Variants in R3HCC1L observed in about 807,000 individuals in gnomAD.
R3HCC1L encodes coiled-coil domain-containing protein R3HCC1L.
A neutral mutation model predicts 59.9 loss-of-function variants in R3HCC1L; 51 were observed. The ratio of observed to expected loss-of-function variants is 0.85; its 90% CI spans 0.68 to 1.07. R3HCC1L has a LOEUF of 1.07. R3HCC1L is among the 50% of genes least tolerant of loss of function. The probability of loss-of-function intolerance (pLI) is 0.00; values close to 1 mark genes in which losing one functional copy is unlikely to be tolerated. For synonymous variants in R3HCC1L, 322 were observed against 315.2 expected, an observed-to-expected ratio of 1.02 and a Z score of -0.23; for missense variants, 965 against 933.0, an observed-to-expected ratio of 1.03 and a Z score of -0.45.
chr10:98,154,072 C>T (rs370303490), intron 1 of R3HCC1L, among the ~76,000 whole-genome samples: 27 of 150,506 alleles, frequency 1.8e-4, no homozygotes, highest in South Asian at 1.0e-3. Flanking sequence ...ATCCAGAGAA[C>T]GGTTTCACAT....
At chr10:98,220,372 T>A (rs1470941849) in intron 5 of R3HCC1L, among the ~76,000 whole-genome samples, 2 of 148,086 alleles carry the variant, frequency 1.4e-5, no homozygotes, top group African/African-American at 2.5e-5. Context: ...TTCTTTTTCT[T>A]TTTTTTTTCC....
intron 4 of R3HCC1L, among the ~76,000 whole-genome samples, chr10:98,177,442 C>T (rs565631716): frequency 4.4e-4 from 67 of 152,162 alleles, no homozygotes; most frequent in Admixed American, 2.9e-3. Context: ...GATGGACATT[C>T]GGGTTGGTTC....
chr10:98,151,908 C>G (rs980607401), intron 1 of R3HCC1L, among the ~76,000 whole-genome samples: 1 of 151,762 alleles, frequency 6.6e-6, no homozygotes, highest in African/African-American at 2.4e-5. Flanking sequence ...CCAGCTCGCT[C>G]TCTCTCTCTC....
chr10:98,141,215 CTT>C (rs1405237430), intron 1 of R3HCC1L, among the ~76,000 whole-genome samples: 2 of 152,174 alleles, frequency 1.3e-5, no homozygotes, highest in African/African-American at 4.8e-5. Flanking sequence ...AGATTGTAAA[CTT>C]TTAACTACAG....
rs1852943919 is a variant in R3HCC1L at position 98,208,181 on chromosome 10, A to G, written c.67A>G (p.Lys23Glu). The change falls in exon 5 of 10, where the codon AAA (lysine) becomes GAA (glutamate). Residue 23 changes from lysine to glutamate, a missense_variant. By Grantham distance (56) the Lys-to-Glu change is moderately conservative (BLOSUM62 1). Coordinates refer to ENST00000298999, the MANE Select transcript of R3HCC1L (RefSeq NM_001351015.2). ...GCCTGACATGGCACTTTATGTACCT[A>G]AAGCTCGTAGGGGTGCAGTACTCCT... ...RRPDMALYVP[K>E]ARRGAVLLKT... is the part of the protein sequence containing the mutation. 5 of 1,613,988 alleles carry G rather than the reference A, an allele frequency of 3.1e-6. No homozygotes were observed. Among genetic ancestry groups the G allele is most frequent in the Non-Finnish European group, 4.2e-6 (5 of 1,179,954 alleles).
intron 5 of R3HCC1L, among the ~76,000 whole-genome samples, chr10:98,227,442 A>T (rs1286838267): frequency 1.3e-5 from 2 of 152,048 alleles, no homozygotes; most frequent in Non-Finnish European, 2.9e-5. Context: ...TCCTCATTTG[A>T]TGGGAAAAGA....
At chr10:98,236,201 C>T (rs867123731) in intron 9 of R3HCC1L, 37 bp downstream of exon 9, 1 of 1,606,838 alleles carries the variant, frequency 6.2e-7, no homozygotes, top group Non-Finnish European at 8.5e-7. Context: ...CTAGGCCCTT[C>T]AGAACTCACT....
chr10:98,160,858 C>T (rs983656516), intron 2 of R3HCC1L, among the ~76,000 whole-genome samples: 1 of 152,124 alleles, frequency 6.6e-6, no homozygotes, highest in African/African-American at 2.4e-5. Flanking sequence ...TTTTTCCCCC[C>T]TCAGGATTGA....
chr10:98,146,601 A>G (rs556587596), intron 1 of R3HCC1L, among the ~76,000 whole-genome samples: 1 of 152,346 alleles, frequency 6.6e-6, no homozygotes, highest in Non-Finnish European at 1.5e-5. Context: ...ACTTAACACA[A>G]TGACCTCTAG....
chr10:98,166,283 C>T (rs774758956), intron 4 of R3HCC1L, among the ~76,000 whole-genome samples: 7 of 152,186 alleles, frequency 4.6e-5, no homozygotes, highest in Non-Finnish European at 7.3e-5. Context: ...GGGCCTGCTC[C>T]GGAACCAGGC....
At chr10:98,174,452 T>C in intron 4 of R3HCC1L, 1 of 631,486 alleles carries the variant, frequency 1.6e-6, no homozygotes, top group Non-Finnish European at 2.0e-6. Context: ...TTCCCAGGGA[T>C]AAAAGCAGCA....
chr10:98,242,828 C>G (rs1424321452), intron 9 of R3HCC1L, among the ~76,000 whole-genome samples: 1 of 152,220 alleles, frequency 6.6e-6, no homozygotes, highest in East Asian at 1.9e-4. Context: ...CAAGACCATG[C>G]TGCCTTCCTA....
chr10:98,210,841 T>C (rs1443349506), intron 5 of R3HCC1L, among the ~76,000 whole-genome samples: 1 of 152,216 alleles, frequency 6.6e-6, no homozygotes, highest in Non-Finnish European at 1.5e-5. Flanking sequence ...CCCTTTTGAA[T>C]ACTAAGTGAT....
chr10:98,135,029 T>C (rs1243950855), intron 1 of R3HCC1L, among the ~76,000 whole-genome samples: 1 of 152,192 alleles, frequency 6.6e-6, no homozygotes, highest in Non-Finnish European at 1.5e-5. Context: ...CAACAGGTAT[T>C]GAGCGGGGTC....
At chr10:98,184,293 G>A (rs879376620) in intron 4 of R3HCC1L, among the ~76,000 whole-genome samples, 2 of 152,056 alleles carry the variant, frequency 1.3e-5, no homozygotes, top group Non-Finnish European at 2.9e-5. Flanking sequence ...ACAGTCATGC[G>A]CCACATAACA....
Position 98,208,998 on chromosome 10 carries a change from G to A in R3HCC1L, c.884G>A (p.Ser295Asn). ...EVESVGGIANSTGFILDQKDT... is the reference protein window; with the variant it reads ...EVESVGGIANNTGFILDQKDT... ...GAGAGTGTAGGTGGTATAGCCAATAGTACAGGTTTCATCTTAGATCAAAAA... is the reference window on the plus strand; with the variant it reads ...GAGAGTGTAGGTGGTATAGCCAATAATACAGGTTTCATCTTAGATCAAAAA... The change falls in exon 5 of 10, where the codon AGT becomes AAT. Residue 295 changes from serine (S) to asparagine (N), a missense_variant. Transcript: ENST00000298999. The A allele has an allele frequency of 1.9e-6, 3 of 1,613,970 alleles. No homozygotes were observed. Among genetic ancestry groups the A allele is most frequent in the Non-Finnish European group, 2.5e-6 (3 of 1,179,900 alleles).
intron 1 of R3HCC1L, among the ~76,000 whole-genome samples, chr10:98,143,770 G>A (rs528498400): frequency 1.3e-5 from 2 of 152,176 alleles, no homozygotes; most frequent in South Asian, 2.1e-4. Context: ...GTATATGACC[G>A]TACATTATAA....
At chr10:98,138,989 G>T (rs941919773) in intron 1 of R3HCC1L, among the ~76,000 whole-genome samples, 29 of 152,120 alleles carry the variant, frequency 1.9e-4, no homozygotes, top group African/African-American at 6.3e-4. Context: ...TTTCTGAAAG[G>T]TATGGATTTT....
At chr10:98,216,677 A>G (rs773865374) in intron 5 of R3HCC1L, among the ~76,000 whole-genome samples, 43 of 151,984 alleles carry the variant, frequency 2.8e-4, no homozygotes, top group Admixed American at 1.5e-3. Flanking sequence ...GGCTCAAGCA[A>G]TTCTGCTGCC....
Sources: gnomAD v4.1 joint callset for allele counts (sites outside exome capture counted in the v4.1 genomes callset) on GRCh38, gnomAD v4.1.1 for gene constraint, MANE v1.5 for transcripts, NCBI Gene and HGNC (gene_info 2026-07-23, HGNC 2026-07-21) for gene names.